Variants in CPNE2 observed in about 807,000 individuals in gnomAD.
The protein encoded by CPNE2 is copine 2.
In CPNE2, 42 loss-of-function variants were observed where a neutral mutation model predicts 69.7. The ratio of observed to expected loss-of-function variants is 0.60; its 90% CI spans 0.47 to 0.78. The LOEUF (loss-of-function observed/expected upper bound fraction) is 0.78, where lower values mean the gene tolerates loss of function less well. Ranked by LOEUF, CPNE2 falls within the 30% of genes least tolerant of loss-of-function variation. The probability of loss-of-function intolerance (pLI) is 0.00; values close to 1 mark genes in which losing one functional copy is unlikely to be tolerated. For missense variants in CPNE2, 587 were observed against 732.0 expected (o/e 0.80, Z 2.29); for synonymous variants, 294 against 289.8 (o/e 1.01, Z -0.15).
In CPNE2 at chr16:57,137,286, AG is replaced by A; in HGVS notation, c.1302+5del. The A allele has an allele frequency of 6.2e-7, 1 of 1,613,934 alleles. No individual in the cohort carries two copies. The highest frequency in any genetic ancestry group is 8.5e-7 in the Non-Finnish European group (1 of 1,179,962). ...CACACAACAGCGGACGGCCACGGTG[AG>A]TAGGCAGCTGCAAGCCAGTCATGCC... On this transcript the variant is annotated splice_donor_5th_base_variant and intron_variant, in intron 14 of 15. Transcript: ENST00000290776.
intron 1 of CPNE2, among the ~76,000 whole-genome samples, chr16:57,108,595 A>C (rs1715486811): frequency 6.6e-6 from 1 of 152,228 alleles, no homozygotes; most frequent in Non-Finnish European, 1.5e-5. Flanking sequence ...AGACCTGACC[A>C]CAGGAGGCTC....
At chr16:57,125,056 C>T (rs1326840297) in intron 10 of CPNE2, 2 of 327,440 alleles carry the variant, frequency 6.1e-6, no homozygotes, top group African/African-American at 4.3e-5. Flanking sequence ...TCTCCTACCC[C>T]ACAGCAACTG....
intron 14 of CPNE2, among the ~76,000 whole-genome samples, chr16:57,140,040 G>C (rs1449114396): frequency 6.6e-6 from 1 of 152,144 alleles, no homozygotes; most frequent in African/African-American, 2.4e-5. Flanking sequence ...GAAGCGCAGG[G>C]CGTGGAGGCA....
chr16:57,121,269 G>T (rs2069760134), intron 8 of CPNE2, 78 bp downstream of exon 8: 4 of 1,266,236 alleles, frequency 3.2e-6, no homozygotes, highest in Non-Finnish European at 4.5e-6. Context: ...GGGTCAGGCA[G>T]CCTGGGGCTG....
rs559887797 is a variant in CPNE2, at chr16:57,134,681, C to T, written c.1117-94C>T. The T allele has an allele frequency of 7.3e-4, 992 of 1,354,188 alleles. 17 individuals carry two copies. The South Asian group carries it at 0.01, about 14-fold the overall frequency. The allele number at this position is 1,354,188 out of a possible 1,614,324, so 83.9% of individuals were successfully genotyped here. A position where few individuals can be genotyped will look rare whatever the true frequency, so the allele number is the denominator to read the frequency against. ...TAGGGGTGGGGGTTATGAGCCGGTG[C>T]TCTCAAAGGGAGCCTTGGCCTGGCA... On this transcript the variant is annotated intron_variant, in intron 12 of 15. Coordinates refer to ENST00000290776, the MANE Select transcript of CPNE2 (RefSeq NM_152727.6).
rs1271316378 is a variant in CPNE2 at position 57,126,010 on chromosome 16, G to T, written c.1061+17G>T. On this transcript the variant is annotated intron_variant, in intron 11 of 15. Coordinates refer to ENST00000290776, the MANE Select transcript of CPNE2 (RefSeq NM_152727.6). Reference sequence around the variant, plus strand: ...CTACGACAGGTAAGGTTGGAGAGGGGCTCTGAAGGTCAGCTAGGGTTCCAT... The same window carrying T: ...CTACGACAGGTAAGGTTGGAGAGGGTCTCTGAAGGTCAGCTAGGGTTCCAT... 1.6e-5 allele frequency: 26 copies of T among 1,613,682 alleles called. No homozygotes were observed. Among genetic ancestry groups the T allele is most frequent in the Non-Finnish European group, 2.1e-5 (25 of 1,179,890 alleles).
chr16:57,124,009 G>A (rs1249183025), intron 10 of CPNE2: 2 of 172,048 alleles, frequency 1.2e-5, no homozygotes, highest in African/African-American at 4.8e-5. Context: ...CACCTTCCAG[G>A]GAGCCCTCCC....
chr16:57,115,721 A>T (rs1425651936), intron 4 of CPNE2, among the ~76,000 whole-genome samples, 171 bp downstream of exon 4: 1 of 152,148 alleles, frequency 6.6e-6, no homozygotes, highest in African/African-American at 2.4e-5. Flanking sequence ...TCCACAAATG[A>T]TGCAGTGGGG....
rs553119783 is a variant in CPNE2 at position 57,108,991 on chromosome 16, T to C, written c.-35-1717T>C. On this transcript the variant is annotated intron_variant, in intron 1 of 15. Coordinates refer to ENST00000290776, the MANE Select transcript of CPNE2 (RefSeq NM_152727.6). ...ATTCAGCAAGTATATACTGGATGCT[T>C]CCTGTGCACCAGTCATTGTGTATGA... Among the ~76,000 whole-genome samples the C allele has an allele frequency of 7.9e-5, 12 of 152,288 alleles. No individual in the cohort carries two copies. In the South Asian group the frequency reaches 2.3e-3, roughly 29 times the overall value.
At chr16:57,105,663 A>G (rs1263485060) in intron 1 of CPNE2, among the ~76,000 whole-genome samples, 2 of 152,050 alleles carry the variant, frequency 1.3e-5, no homozygotes, top group Non-Finnish European at 2.9e-5. Context: ...TGAACCAATG[A>G]ATCAGTGCCT....
At chr16:57,105,674 G>A (rs2069643784) in intron 1 of CPNE2, among the ~76,000 whole-genome samples, 1 of 152,116 alleles carries the variant, frequency 6.6e-6, no homozygotes, top group Non-Finnish European at 1.5e-5. Context: ...ATCAGTGCCT[G>A]GGAATTCCCA....
intron 10 of CPNE2, 127 bp from the exon 11 acceptor site, chr16:57,125,733 T>C (rs2069795932): frequency 8.5e-7 from 1 of 1,177,162 alleles, no homozygotes; most frequent in Non-Finnish European, 1.2e-6. Context: ...TCAGACCATC[T>C]TATTGTGGGG....
At chr16:57,117,460 G>A (rs1198052315) in intron 4 of CPNE2, 36 bp from the exon 5 acceptor site, 5 of 1,601,934 alleles carry the variant, frequency 3.1e-6, no homozygotes, top group Non-Finnish European at 4.3e-6. Context: ...GGAGGCTGGG[G>A]GAGTCTGAGG....
At chr16:57,139,836 G>T (rs111923552) in intron 14 of CPNE2, among the ~76,000 whole-genome samples, 1 of 151,948 alleles carries the variant, frequency 6.6e-6, no homozygotes, top group African/African-American at 2.4e-5. Flanking sequence ...CTTCCTCACT[G>T]TGTGACTTGG....
intron 1 of CPNE2, among the ~76,000 whole-genome samples, chr16:57,104,444 C>T (rs1007661940): frequency 4.6e-5 from 7 of 152,216 alleles, no homozygotes; most frequent in Admixed American, 6.5e-5. Context: ...CACAGTCCCT[C>T]TCCTGCTGGC....
At chr16:57,134,721 G>C in intron 12 of CPNE2, 54 bp from the exon 13 acceptor site, 1 of 1,606,194 alleles carries the variant, frequency 6.2e-7, no homozygotes, top group Non-Finnish European at 8.5e-7. Context: ...GTGGTGGCCT[G>C]GGTCTGGGTT....
intron 1 of CPNE2, among the ~76,000 whole-genome samples, chr16:57,103,359 A>AG: frequency 6.7e-6 from 1 of 148,886 alleles, no homozygotes; most frequent in Non-Finnish European, 1.5e-5. Context: ...CCTGGCCTCA[A>AG]GCAGTTCTCC....
At chr16:57,099,656 G>A (rs1299875598) in intron 1 of CPNE2, among the ~76,000 whole-genome samples, 1 of 151,804 alleles carries the variant, frequency 6.6e-6, no homozygotes, top group Non-Finnish European at 1.5e-5. Context: ...GGAGTGCAGT[G>A]GCGCGATCTC....
chr16:57,139,559 C>G (rs924813986), intron 14 of CPNE2, among the ~76,000 whole-genome samples: 1 of 152,182 alleles, frequency 6.6e-6, no homozygotes, highest in Non-Finnish European at 1.5e-5. Context: ...AGAGTCAAAC[C>G]GTGAACTGAA....
Sources: allele counts gnomAD v4.1 joint callset (sites outside exome capture counted in the v4.1 genomes callset), GRCh38; gene constraint gnomAD v4.1.1; transcripts MANE v1.5; gene names NCBI Gene and HGNC (gene_info 2026-07-23, HGNC 2026-07-21).